KCNC4: variants seen among roughly 807,000 people sequenced by gnomAD.
KCNC4 encodes potassium voltage-gated channel subfamily C member 4.
KCNC4 carries 23 observed loss-of-function variants against 42.8 expected under a neutral mutation model. That is an observed-to-expected ratio of 0.54 (90% CI 0.39 to 0.76). The LOEUF (loss-of-function observed/expected upper bound fraction) is 0.76, where lower values mean the gene tolerates loss of function less well. KCNC4 is among the 30% of genes least tolerant of loss of function. The pLI is 0.00. For synonymous variants in KCNC4, 422 were observed against 393.5 expected, an observed-to-expected ratio of 1.07 and a Z score of -0.86; for missense variants, 751 against 898.2, an observed-to-expected ratio of 0.84 and a Z score of 2.10.
intron 1 of KCNC4, chr1:110,221,616 A>C (rs553291760): frequency 6.6e-6 from 1 of 152,200 alleles, no homozygotes; most frequent in Non-Finnish European, 1.5e-5. Context: ...CCCAGGGAGG[A>C]AAACCTCTCT....
At chr1:110,232,771 A>T (rs1305760413) in intron 3 of KCNC4, 140 bp from the exon 4 acceptor site, 3 of 1,537,896 alleles carry the variant, frequency 2.0e-6, no homozygotes, top group Non-Finnish European at 2.6e-6. Flanking sequence ...CCTGTGGGTC[A>T]GCAGCTGGCT....
chr1:110,241,657 G>A (rs958298979), exon 4 of KCNC4: 3 of 152,172 alleles, frequency 2.0e-5, no homozygotes, highest in Non-Finnish European at 2.9e-5. Flanking sequence ...AGATCTTCCT[G>A]CTCCTTGTGC....
At chr1:110,241,264 C>A (rs1659027647) in exon 4 of KCNC4, 1 of 152,222 alleles carries the variant, frequency 6.6e-6, no homozygotes, top group South Asian at 2.1e-4. Context: ...TAAACATAAA[C>A]ACACATTTCC....
At chr1:110,237,297 C>G (rs1658927371), downstream of KCNC4, 1 of 152,180 alleles carries the variant, frequency 6.6e-6, no homozygotes, top group South Asian at 2.1e-4. Flanking sequence ...GAACGAGACC[C>G]TGTCTCAAAC....
chr1:110,253,152 T>G (rs1254665951), downstream of KCNC4, among the ~76,000 whole-genome samples: 1 of 152,194 alleles, frequency 6.6e-6, no homozygotes, highest in African/African-American at 2.4e-5. Flanking sequence ...CACAAAGCCT[T>G]CCCTAGCACT....
chr1:110,255,771 C>T (rs908212909), intron 1 of KCNC4, among the ~76,000 whole-genome samples: 8 of 152,188 alleles, frequency 5.3e-5, no homozygotes, highest in East Asian at 1.9e-4. Flanking sequence ...TGAAGGCAAA[C>T]GATGGCAGAG....
chr1:110,235,902 G>C (rs183028551), downstream of KCNC4: 1 of 152,346 alleles, frequency 6.6e-6, no homozygotes, highest in African/African-American at 2.4e-5. Flanking sequence ...CTCTGTGAAC[G>C]TCTATTTCCT....
intron 3 of KCNC4, chr1:110,232,524 C>T: frequency 7.0e-7 from 1 of 1,435,364 alleles, no homozygotes; most frequent in Non-Finnish European, 9.1e-7. Context: ...AGCTATGGTC[C>T]CTTTCTCCAC....
chr1:110,230,264 G>C (rs1039330559), intron 3 of KCNC4, among the ~76,000 whole-genome samples: 1 of 152,204 alleles, frequency 6.6e-6, no homozygotes, highest in Non-Finnish European at 1.5e-5. Flanking sequence ...AGTGAGAAGA[G>C]GGGATGTGGG....
chr1:110,255,508 G>C (rs1194702618), intron 1 of KCNC4, among the ~76,000 whole-genome samples: 1 of 152,220 alleles, frequency 6.6e-6, no homozygotes, highest in Non-Finnish European at 1.5e-5. Context: ...ACAGAGCCGG[G>C]TGTATTTTTA....
At chr1:110,232,255 T>G (rs747746589) in intron 3 of KCNC4, 10 of 1,614,064 alleles carry the variant, frequency 6.2e-6, no homozygotes, top group Non-Finnish European at 7.6e-6. Flanking sequence ...CCCTTCAGCA[T>G]TCACCTGAGG....
At chr1:110,277,008 G>A (rs190655805) in intron 1 of KCNC4, among the ~76,000 whole-genome samples, 47 of 152,278 alleles carry the variant, frequency 3.1e-4, no homozygotes, top group African/African-American at 1.1e-3. Flanking sequence ...TTACCAAATT[G>A]CAAAGGACAT....
intron 1 of KCNC4, among the ~76,000 whole-genome samples, chr1:110,216,189 G>A (rs1486152252): frequency 2.0e-5 from 3 of 152,194 alleles, no homozygotes; most frequent in Admixed American, 6.5e-5. Flanking sequence ...TCTCTGGTCC[G>A]GGCATTGCCT....
Position 110,223,760 on chromosome 1 carries a change from G to C in KCNC4, c.1475G>C (p.Arg492Pro). 1.9e-6 allele frequency: 3 copies of C among 1,614,140 alleles called. No individual in the cohort carries two copies. Among genetic ancestry groups the C allele is most frequent in the Non-Finnish European group, 2.5e-6 (3 of 1,180,032 alleles). The change falls in exon 2 of 4, where the codon CGG becomes CCG. Residue 492 changes from arginine to proline, a missense_variant. Coordinates refer to ENST00000438661, the MANE Select transcript of KCNC4 (RefSeq NM_001039574.3). This position sits in a 1 kb window ranked among gnomAD's most constrained non-coding sequence, Gnocchi z 7.5. ...AMAKQKLPKK[R>P]KKHVPRPAQL... ...GCCAAGCAGAAGCTGCCCAAGAAAC[G>C]GAAGAAGCACGTGCCACGGCCGGCG...
At chr1:110,213,614 G>A (rs1035900065) in intron 1 of KCNC4, among the ~76,000 whole-genome samples, 1 of 152,210 alleles carries the variant, frequency 6.6e-6, no homozygotes, top group African/African-American at 2.4e-5. Flanking sequence ...AGGCAGCCAC[G>A]AGAAGGCAGG....
chr1:110,236,418 C>T (rs1160891775), downstream of KCNC4: 2 of 152,198 alleles, frequency 1.3e-5, no homozygotes, highest in South Asian at 4.1e-4. Context: ...GTCATAACCT[C>T]CAGTGTAGGA....
chr1:110,269,666 G>A (rs574007191), intron 1 of KCNC4, among the ~76,000 whole-genome samples: 36 of 152,254 alleles, frequency 2.4e-4, no homozygotes, highest in South Asian at 6.2e-4. Context: ...ACCTAGGAAC[G>A]GGATTTATGA....
At chr1:110,265,099 A>T (rs1361809369) in intron 1 of KCNC4, among the ~76,000 whole-genome samples, 1 of 151,390 alleles carries the variant, frequency 6.6e-6, no homozygotes. Context: ...AAAAAAAAAA[A>T]AGGTGGGGGA....
chr1:110,274,792 G>A (rs1477845378), intron 1 of KCNC4, among the ~76,000 whole-genome samples: 3 of 152,166 alleles, frequency 2.0e-5, no homozygotes, highest in Admixed American at 6.5e-5. Flanking sequence ...AAATGGTGCT[G>A]GGGAAATTGG....
Sources: gnomAD v4.1 joint callset for allele counts (sites outside exome capture counted in the v4.1 genomes callset) on GRCh38, gnomAD v4.1.1 for gene constraint, Gnocchi (gnomAD v3.1) non-coding constraint, MANE v1.5 for transcripts, NCBI Gene and HGNC (gene_info 2026-07-23, HGNC 2026-07-21) for gene names.